The following D2HGDH variants were observed in gnomAD, a reference collection of about 807,000 sequenced individuals.
The protein encoded by D2HGDH is D-2-hydroxyglutarate dehydrogenase.
A neutral mutation model predicts 46.9 loss-of-function variants in D2HGDH; 31 were observed. That is an observed-to-expected ratio of 0.66 (90% CI 0.50 to 0.89). The LOEUF (loss-of-function observed/expected upper bound fraction) is 0.89, where lower values mean the gene tolerates loss of function less well. Ranked by LOEUF, D2HGDH falls within the 40% of genes least tolerant of loss-of-function variation. The pLI is 0.00. For synonymous variants in D2HGDH, 364 were observed against 332.6 expected, an observed-to-expected ratio of 1.09 and a Z score of -1.03; for missense variants, 698 against 720.8, an observed-to-expected ratio of 0.97 and a Z score of 0.36.
Position 241,742,028 on chromosome 2 carries a change from A to T in D2HGDH, c.351-407A>T, listed in dbSNP as rs976503213. Reference sequence around the variant, plus strand: ...GGTTGGGAGGGAGGTATCCTTGGGCACACGTCTGGGGGATAATGGGCCGAG... The same window carrying T: ...GGTTGGGAGGGAGGTATCCTTGGGCTCACGTCTGGGGGATAATGGGCCGAG... On this transcript the variant is annotated intron_variant, in intron 3 of 9. Transcript: ENST00000321264. This position sits in a 1 kb window ranked among gnomAD's most constrained non-coding sequence, Gnocchi z 4.8. Among the ~76,000 whole-genome samples the T allele has an allele frequency of 1.3e-5, 2 of 152,122 alleles. No homozygotes were observed. Among genetic ancestry groups the T allele is most frequent in the African/African-American group, 4.8e-5 (2 of 41,410 alleles).
intron 9 of D2HGDH, among the ~76,000 whole-genome samples, chr2:241,762,485 G>C (rs147058144): frequency 6.6e-6 from 1 of 152,172 alleles, no homozygotes; most frequent in Admixed American, 6.5e-5. Context: ...CCTGTTGGCC[G>C]GGTGAGTGTT....
Position 241,753,577 on chromosome 2 carries a change from G to A in D2HGDH, c.1140+2189G>A, listed in dbSNP as rs913220582. Among the ~76,000 whole-genome samples the A allele has an allele frequency of 3.3e-5, 5 of 152,350 alleles. No homozygotes were observed. The South Asian group carries it at 6.2e-4, about 19-fold the overall frequency. On this transcript the variant is annotated intron_variant, in intron 8 of 9. Transcript: ENST00000321264. ...GACATGTTGAGACAATGGGGCTTGCGCAGGTCCAGCCGCTGCCGCGGGGGC... is the reference window on the plus strand; with the variant it reads ...GACATGTTGAGACAATGGGGCTTGCACAGGTCCAGCCGCTGCCGCGGGGGC...
At chr2:241,738,071 T>C (rs1388467131) in intron 2 of D2HGDH, among the ~76,000 whole-genome samples, 1 of 152,198 alleles carries the variant, frequency 6.6e-6, no homozygotes, top group African/African-American at 2.4e-5. Context: ...AAGCAGCTCT[T>C]TCCCTGCAGA....
In D2HGDH at chr2:241,751,274, T is replaced by C. The variant is rs1454364836; in HGVS notation, c.1026T>C (p.Thr342=). Residue 342 remains threonine, a synonymous_variant, in exon 8 of 10, where the codon ACT becomes ACC. Coordinates refer to ENST00000321264, the MANE Select transcript of D2HGDH (RefSeq NM_152783.5). ...QESPFYVLIE[T]SGSNAGHDAE... is the part of the protein sequence containing the mutation. Reference sequence around the variant, plus strand: ...GTCCGTTTTACGTCCTCATCGAGACTTCAGGCTCCAACGCAGGCCATGACG... The same window carrying C: ...GTCCGTTTTACGTCCTCATCGAGACCTCAGGCTCCAACGCAGGCCATGACG... The C allele has an allele frequency of 2.5e-6, 4 of 1,614,036 alleles. No individual in the cohort carries two copies. The highest frequency in any genetic ancestry group is 1.7e-5 in the Admixed American group (1 of 60,024).
chr2:241,748,733 T>C, intron 6 of D2HGDH: 1 of 957,250 alleles, frequency 1.0e-6, no homozygotes, highest in Non-Finnish European at 1.3e-6. Context: ...CCTCACCACC[T>C]GACCCCGGAA....
At chr2:241,737,884 G>A (rs1208989898) in intron 2 of D2HGDH, among the ~76,000 whole-genome samples, 1 of 152,194 alleles carries the variant, frequency 6.6e-6, no homozygotes, top group Non-Finnish European at 1.5e-5. Context: ...CATAGGGTGT[G>A]CTGTCATTGG....
At chr2:241,754,510 T>C (rs1357508685) in intron 8 of D2HGDH, 1 of 152,054 alleles carries the variant, frequency 6.6e-6, no homozygotes, top group African/African-American at 2.4e-5. Context: ...AATGCGGGAA[T>C]TTTGGGCGCC....
In D2HGDH at chr2:241,735,253, C is replaced by T. The variant is rs1437303780; in HGVS notation, c.29C>T (p.Pro10Leu). The part of the protein sequence containing the change: MLPRRPLAW[P>L]AWLLRGAPGA... ...CTGCCCCGTCGGCCTCTGGCGTGGC[C>T]CGCGTGGCTGTTGCGGGGTGCTCCG... The change falls in exon 2 of 10, where the codon CCC (proline) becomes CTC (leucine). Residue 10 changes from proline to leucine, a missense_variant. Coordinates refer to ENST00000321264, the MANE Select transcript of D2HGDH (RefSeq NM_152783.5). 2.3e-5 allele frequency: 35 copies of T among 1,517,552 alleles called. No homozygotes were observed. The highest frequency in any genetic ancestry group is 2.8e-5 in the Non-Finnish European group (32 of 1,140,920). 94.0% of individuals were successfully genotyped at this position (1,517,552 alleles called of 1,614,324 possible). A position where few individuals can be genotyped will look rare whatever the true frequency, so the allele number is the denominator to read the frequency against.
rs930630391 is a variant in D2HGDH, at chr2:241,743,238, C to T, written c.491-384C>T. On this transcript the variant is annotated intron_variant, in intron 4 of 9. Coordinates refer to ENST00000321264, the MANE Select transcript of D2HGDH (RefSeq NM_152783.5). The surrounding 1 kb of genome is among the most constrained non-coding windows in gnomAD (Gnocchi z 4.8). The stretch of plus-strand genomic sequence containing the variant: ...GGCGCCTGCACTGTTGGGTGTTGAG[C>T]AGCATCCTTGGCCTCCGCCTACAAG... Among the ~76,000 whole-genome samples, 1 of 152,206 alleles carries T rather than the reference C, an allele frequency of 6.6e-6. No homozygotes were observed. Among genetic ancestry groups the T allele is most frequent in the Non-Finnish European group, 1.5e-5 (1 of 68,026 alleles).
chr2:241,756,232 G>A (rs912195540), intron 9 of D2HGDH, among the ~76,000 whole-genome samples: 10 of 152,236 alleles, frequency 6.6e-5, no homozygotes, highest in African/African-American at 1.9e-4. Flanking sequence ...GACTGCCATC[G>A]TGCACTTGTA....
At chr2:241,749,321 C>T in intron 6 of D2HGDH, 1 of 1,288,700 alleles carries the variant, frequency 7.8e-7, no homozygotes, top group Non-Finnish European at 1.0e-6. Flanking sequence ...AGCCTCTGCG[C>T]CTGTGAGACC....
At chr2:241,753,468 G>A (rs369981934) in intron 8 of D2HGDH, among the ~76,000 whole-genome samples, 8 of 151,944 alleles carry the variant, frequency 5.3e-5, no homozygotes, top group South Asian at 4.2e-4. Context: ...GCTGTTGTCC[G>A]GTGTTGGCGA....
At chr2:241,738,755 C>T (rs1222739423) in intron 2 of D2HGDH, among the ~76,000 whole-genome samples, 2 of 152,210 alleles carry the variant, frequency 1.3e-5, no homozygotes, top group Non-Finnish European at 2.9e-5. Flanking sequence ...TGTGGGAGGG[C>T]GCCTTCCTCT....
intron 8 of D2HGDH, 179 bp from the exon 9 acceptor site, chr2:241,755,670 G>T: frequency 6.5e-7 from 1 of 1,545,044 alleles, no homozygotes. Flanking sequence ...TCCTGGTCTG[G>T]GACATTCGCT....
At position 241,758,688 on chromosome 2, in the gene D2HGDH, G is replaced by A. The variant is rs1698423841; in HGVS notation, c.1306+2674G>A. ...TACTTCAGGAAGCCAAGGCTGGAAG[G>A]ATCACTGGAGTCCAGTAGTTCTAGA... On this transcript the variant is annotated intron_variant, in intron 9 of 9. Coordinates refer to ENST00000321264, the MANE Select transcript of D2HGDH (RefSeq NM_152783.5). Among the ~76,000 whole-genome samples, 3 of 152,004 alleles carry A rather than the reference G, an allele frequency of 2.0e-5. No individual in the cohort carries two copies. In the South Asian group the frequency reaches 6.2e-4, roughly 32 times the overall value.
chr2:241,735,960 A>C, intron 2 of D2HGDH: 1 of 216,454 alleles, frequency 4.6e-6, no homozygotes, highest in South Asian at 5.5e-5. Context: ...ACAGGGTTTC[A>C]CCATGTTGGC....
At chr2:241,740,336 T>A (rs1041642612) in intron 2 of D2HGDH, among the ~76,000 whole-genome samples, 99 of 152,274 alleles carry the variant, frequency 6.5e-4, no homozygotes, top group African/African-American at 2.3e-3. Flanking sequence ...GGAAGTGTGG[T>A]GGCGTGGCAG....
Position 241,742,684 on chromosome 2 carries a change from G to A in D2HGDH, c.490+110G>A. 7.1e-7 allele frequency: 1 copy of A among 1,414,038 alleles called. No homozygotes were observed. Among genetic ancestry groups the A allele is most frequent in the Non-Finnish European group, 1.0e-6 (1 of 1,004,660 alleles). The allele number at this position is 1,414,038 out of a possible 1,614,324, so 87.6% of individuals were successfully genotyped here. A position where few individuals can be genotyped will look rare whatever the true frequency, so the allele number is the denominator to read the frequency against. ...TGCTTGGGTGGGTGAATGAGTTAGG[G>A]CCGGCGCTGGGGAAAGAACCAGCGT... On this transcript the variant is annotated intron_variant, in intron 4 of 9. Coordinates refer to ENST00000321264, the MANE Select transcript of D2HGDH (RefSeq NM_152783.5). This position sits in a 1 kb window ranked among gnomAD's most constrained non-coding sequence, Gnocchi z 4.8.
At position 241,742,386 on chromosome 2, in the gene D2HGDH, G is replaced by GCA. The variant is rs774502176; in HGVS notation, c.351-48_351-47insAC. 3 of 1,555,964 alleles carry GCA rather than the reference G, an allele frequency of 1.9e-6. No homozygotes were observed. The highest frequency in any genetic ancestry group is 1.4e-5 in the African/African-American group (1 of 73,530). On this transcript the variant is annotated intron_variant, in intron 3 of 9. Coordinates refer to ENST00000321264, the MANE Select transcript of D2HGDH (RefSeq NM_152783.5). This position sits in a 1 kb window ranked among gnomAD's most constrained non-coding sequence, Gnocchi z 4.8. ...CTGCGGCGTGTCCTTGGGGATGGTG[G>GCA]CGTAGGGGTGGGGACAGAGCCCCAA...
Sources: allele counts gnomAD v4.1 joint callset (sites outside exome capture counted in the v4.1 genomes callset), GRCh38; gene constraint gnomAD v4.1.1; non-coding constraint Gnocchi (gnomAD v3.1); transcripts MANE v1.5; gene names NCBI Gene and HGNC (gene_info 2026-07-23, HGNC 2026-07-21).